Variants in VAV3 observed in about 807,000 individuals in gnomAD.
The protein encoded by VAV3 is vav guanine nucleotide exchange factor 3.
A neutral mutation model predicts 131.2 loss-of-function variants in VAV3; 94 were observed. The ratio of observed to expected loss-of-function variants is 0.72; its 90% confidence interval spans 0.61 to 0.85. VAV3 has a LOEUF of 0.85. VAV3 is among the 40% of genes least tolerant of loss of function. VAV3 has a pLI of 0.00. For synonymous variants in VAV3, 349 were observed against 342.0 expected (o/e 1.02, Z -0.22); for missense variants, 939 against 1,002.7 (o/e 0.94, Z 0.86).
chr1:107,899,675 T>A (rs371132485), intron 1 of VAV3, among the ~76,000 whole-genome samples: 2 of 152,194 alleles, frequency 1.3e-5, no homozygotes, highest in African/African-American at 4.8e-5. Flanking sequence ...CTTCATCTAA[T>A]CTTCAGGATT....
intron 1 of VAV3, among the ~76,000 whole-genome samples, chr1:107,911,790 G>A (rs940630680): frequency 6.6e-6 from 1 of 152,142 alleles, no homozygotes; most frequent in Non-Finnish European, 1.5e-5. Flanking sequence ...ATGAGAGTTC[G>A]TATCAGCCTG....
Position 107,749,064 on chromosome 1 carries a change from A to C in VAV3, c.1406T>G (p.Phe469Cys). The C allele has an allele frequency of 1.2e-6, 2 of 1,602,176 alleles. No homozygotes were observed. Among genetic ancestry groups the C allele is most frequent in the Non-Finnish European group, 1.7e-6 (2 of 1,173,162 alleles). ...DKENKKWSYG[F>C]YLIHTQGQNG... is the part of the protein sequence containing the mutation. The stretch of plus-strand genomic sequence containing the variant: ...TTGTCCTTGGGTATGGATGAGGTAG[A>C]AGCCATAAGACCACTGTTAAAATTA... The change falls in exon 15 of 27, where the codon TTC (phenylalanine) becomes TGC (cysteine). Residue 469 changes from phenylalanine to cysteine, a missense_variant. Transcript: ENST00000370056.
At chr1:107,574,251 T>C (rs746854741) in intron 25 of VAV3, 53 bp from the exon 26 acceptor site, 19 of 1,587,498 alleles carry the variant, frequency 1.2e-5, no homozygotes, top group Admixed American at 1.7e-5. Flanking sequence ...TTAACAACCA[T>C]AACAACCTAA....
At chr1:107,953,753 G>C (rs1376342522) in intron 1 of VAV3, among the ~76,000 whole-genome samples, 1 of 152,048 alleles carries the variant, frequency 6.6e-6, no homozygotes, top group African/African-American at 2.4e-5. Flanking sequence ...GCATAGGGAA[G>C]CACGACGCTT....
At chr1:107,957,014 T>G (rs574995271) in intron 1 of VAV3, among the ~76,000 whole-genome samples, 3 of 152,232 alleles carry the variant, frequency 2.0e-5, no homozygotes, top group Middle Eastern at 3.4e-3. Flanking sequence ...GTTTTAGGTA[T>G]TAGTAGAACA....
chr1:107,744,805 A>T (rs918241484), intron 15 of VAV3, among the ~76,000 whole-genome samples: 3 of 152,190 alleles, frequency 2.0e-5, no homozygotes, highest in African/African-American at 4.8e-5. Flanking sequence ...TTAGATGCCA[A>T]GATCTGAGTC....
chr1:107,741,075 A>G (rs74532087), intron 15 of VAV3, among the ~76,000 whole-genome samples: 238 of 152,358 alleles, frequency 1.6e-3, no homozygotes, highest in Non-Finnish European at 2.9e-3. Context: ...AGCAGTACTC[A>G]TAGCGGTAGT....
chr1:107,678,125 G>T (rs908551621), intron 19 of VAV3: 1 of 151,484 alleles, frequency 6.6e-6, no homozygotes, highest in Non-Finnish European at 1.5e-5. Flanking sequence ...AAAAAAAGTC[G>T]GCTATTTTAA....
At chr1:107,826,028 A>C (rs1012254271) in intron 2 of VAV3, among the ~76,000 whole-genome samples, 1 of 152,186 alleles carries the variant, frequency 6.6e-6, no homozygotes, top group Non-Finnish European at 1.5e-5. Context: ...ATGCACAGAG[A>C]GGCATATGTA....
chr1:107,684,567 C>T (rs1658886670), intron 18 of VAV3, among the ~76,000 whole-genome samples: 1 of 152,182 alleles, frequency 6.6e-6, no homozygotes, highest in African/African-American at 2.4e-5. Context: ...AGCAGACTTG[C>T]AGGGTTCTCA....
intron 1 of VAV3, among the ~76,000 whole-genome samples, chr1:107,889,546 C>A (rs1671215574): frequency 6.6e-6 from 1 of 151,774 alleles, no homozygotes; most frequent in African/African-American, 2.4e-5. Flanking sequence ...AAAAAAAAAA[C>A]TGGTTTAGGC....
In VAV3 at chr1:107,583,387, T is replaced by C. The variant is rs1293612799; in HGVS notation, c.2351-9189A>G. Among the ~76,000 whole-genome samples the C allele has an allele frequency of 6.6e-5, 10 of 152,106 alleles. 1 individual carries two copies. The highest frequency in any genetic ancestry group is 1.9e-4 in the East Asian group (1 of 5,190). Reference sequence around the variant, plus strand: ...CCTCTCTCACCACTCCTATTCAACATAGTGTTGGAAGTTCTGGCCAGGGCA... The same window carrying C: ...CCTCTCTCACCACTCCTATTCAACACAGTGTTGGAAGTTCTGGCCAGGGCA... On this transcript the variant is annotated intron_variant, in intron 25 of 26. Transcript: ENST00000370056.
At chr1:107,735,523 A>T (rs139101725) in intron 15 of VAV3, among the ~76,000 whole-genome samples, 3,878 of 152,242 alleles carry the variant, frequency 0.025, 162 homozygotes, top group African/African-American at 0.087. Context: ...GATAAAGGGG[A>T]TATCACCACC....
At chr1:107,666,113 C>T (rs1657389763) in intron 19 of VAV3, among the ~76,000 whole-genome samples, 1 of 152,124 alleles carries the variant, frequency 6.6e-6, no homozygotes, top group African/African-American at 2.4e-5. Flanking sequence ...CTTCCTTTAG[C>T]CCTTCACCTT....
intron 25 of VAV3, among the ~76,000 whole-genome samples, chr1:107,575,203 TA>T (rs1455543240): frequency 1.3e-5 from 2 of 152,268 alleles, no homozygotes; most frequent in South Asian, 2.1e-4. Flanking sequence ...TGTTTTCAAT[TA>T]TATGTTCAGT....
intron 3 of VAV3, among the ~76,000 whole-genome samples, chr1:107,778,927 T>C (rs909405516): frequency 4.6e-5 from 7 of 152,214 alleles, no homozygotes; most frequent in Non-Finnish European, 1.0e-4. Flanking sequence ...TGCAAGGAGA[T>C]GACATACTAT....
chr1:107,747,954 T>G (rs899989514), intron 15 of VAV3, among the ~76,000 whole-genome samples: 5 of 151,636 alleles, frequency 3.3e-5, no homozygotes, highest in African/African-American at 1.2e-4. Flanking sequence ...GGAAAAAAAA[T>G]TGATAGAATT....
chr1:107,910,291 A>T (rs1203859798), intron 1 of VAV3, among the ~76,000 whole-genome samples: 1 of 152,244 alleles, frequency 6.6e-6, no homozygotes, highest in Non-Finnish European at 1.5e-5. Flanking sequence ...GCCATGGGTC[A>T]TCAGTTATTA....
intron 2 of VAV3, among the ~76,000 whole-genome samples, chr1:107,819,334 A>G (rs1016601629): frequency 1.3e-5 from 2 of 152,158 alleles, no homozygotes; most frequent in Non-Finnish European, 2.9e-5. Flanking sequence ...TGAAAGCTTC[A>G]GTTACATATG....
Sources: allele counts gnomAD v4.1 joint callset (sites outside exome capture counted in the v4.1 genomes callset), GRCh38; gene constraint gnomAD v4.1.1; transcripts MANE v1.5; gene names NCBI Gene and HGNC (gene_info 2026-07-23, HGNC 2026-07-21).